FRY: variants seen among roughly 807,000 people sequenced by gnomAD.
The protein encoded by FRY is protein furry homolog.
Under a neutral mutation model 348.4 loss-of-function variants are expected in FRY, and 128 were observed. The ratio of observed to expected loss-of-function variants is 0.37; its 90% CI spans 0.32 to 0.43. FRY has a LOEUF of 0.43. FRY is among the 20% of genes least tolerant of loss of function. The pLI, the probability that FRY is intolerant of heterozygous loss-of-function variation, is 1.00. For synonymous variants in FRY, 1,370 were observed against 1,374.7 expected (o/e 1.00, Z 0.08); for missense variants, 2,736 against 3,695.2 (o/e 0.74, Z 6.73).
intron 1 of FRY, among the ~76,000 whole-genome samples, chr13:32,073,336 C>T (rs777653164): frequency 8.5e-5 from 13 of 152,142 alleles, no homozygotes; most frequent in Admixed American, 2.6e-4. Flanking sequence ...AGATTCTGCC[C>T]GAGCCATGTG....
intron 1 of FRY, among the ~76,000 whole-genome samples, chr13:32,057,288 C>T (rs1191588046): frequency 6.6e-6 from 1 of 152,064 alleles, no homozygotes; most frequent in Non-Finnish European, 1.5e-5. Flanking sequence ...TCTCCTGCCT[C>T]AGCCTCCTCA....
At chr13:32,294,594 G>C in intron 60 of FRY, 24 bp downstream of exon 60, 2 of 1,566,402 alleles carry the variant, frequency 1.3e-6, no homozygotes. Context: ...TTCTTTTAGA[G>C]GTGGTTGCAG....
At chr13:32,148,939 T>G (rs1880627091) in intron 13 of FRY, among the ~76,000 whole-genome samples, 1 of 151,942 alleles carries the variant, frequency 6.6e-6, no homozygotes, top group Non-Finnish European at 1.5e-5. Flanking sequence ...TTTTTCTGCA[T>G]GTAGTTATCA....
At chr13:32,071,270 G>A (rs1196265255) in intron 1 of FRY, among the ~76,000 whole-genome samples, 1 of 152,138 alleles carries the variant, frequency 6.6e-6, no homozygotes, top group Non-Finnish European at 1.5e-5. Context: ...TAGCTTGATG[G>A]GGATGGCATT....
chr13:32,161,348 A>C, intron 17 of FRY, 97 bp downstream of exon 17: 1 of 869,750 alleles, frequency 1.1e-6, no homozygotes, highest in Non-Finnish European at 2.0e-6. Flanking sequence ...ACAAATATTT[A>C]CCAAATGAGG....
intron 31 of FRY, among the ~76,000 whole-genome samples, chr13:32,203,903 C>T (rs1043192069): frequency 2.6e-5 from 4 of 152,196 alleles, no homozygotes; most frequent in African/African-American, 9.7e-5. Context: ...TACAGTTTAT[C>T]TTCCATGTGG....
chr13:32,157,496 T>A, intron 16 of FRY, 91 bp downstream of exon 16: 1 of 1,276,484 alleles, frequency 7.8e-7, no homozygotes, highest in Non-Finnish European at 1.1e-6. Context: ...TTTGTTTTCA[T>A]CTTCTTAGGG....
At chr13:32,053,003 C>T (rs1873424249) in intron 1 of FRY, among the ~76,000 whole-genome samples, 1 of 152,040 alleles carries the variant, frequency 6.6e-6, no homozygotes, top group East Asian at 1.9e-4. Flanking sequence ...GTCCTATCTA[C>T]TCGGGAGGCT....
intron 33 of FRY, 75 bp downstream of exon 33, chr13:32,209,806 G>A: frequency 7.2e-7 from 1 of 1,389,652 alleles, no homozygotes; most frequent in Non-Finnish European, 1.0e-6. Flanking sequence ...GTCAGAATGT[G>A]CTCTTTGCTC....
At chr13:32,251,977 T>C (rs1329868930) in intron 50 of FRY, 25 bp downstream of exon 50, 1 of 1,487,882 alleles carries the variant, frequency 6.7e-7, no homozygotes, top group Non-Finnish European at 9.4e-7. Flanking sequence ...GTGTCATAGT[T>C]ATTTTGGTGT....
intron 50 of FRY, among the ~76,000 whole-genome samples, chr13:32,253,074 G>C (rs1887164770): frequency 6.6e-6 from 1 of 152,152 alleles, no homozygotes; most frequent in African/African-American, 2.4e-5. Context: ...CCTGTGCTAA[G>C]GCCTTTTCAG....
chr13:32,049,293 A>G (rs1369666711), intron 1 of FRY, among the ~76,000 whole-genome samples: 3 of 152,168 alleles, frequency 2.0e-5, no homozygotes. Context: ...GAGGTGCCTG[A>G]GGGAATGACA....
chr13:32,170,723 G>A (rs1882010242), intron 17 of FRY, among the ~76,000 whole-genome samples: 1 of 152,116 alleles, frequency 6.6e-6, no homozygotes, highest in Admixed American at 6.5e-5. Context: ...TTTTAGTAGA[G>A]ACGGGGTTTC....
At chr13:32,189,213 A>T (rs1228869167) in intron 28 of FRY, among the ~76,000 whole-genome samples, 2 of 152,160 alleles carry the variant, frequency 1.3e-5, no homozygotes, top group Non-Finnish European at 2.9e-5. Flanking sequence ...CAATTTCAGC[A>T]GGATTCATGT....
chr13:32,054,798 C>T (rs1453212512), intron 1 of FRY, among the ~76,000 whole-genome samples: 1 of 152,130 alleles, frequency 6.6e-6, no homozygotes, highest in Non-Finnish European at 1.5e-5. Flanking sequence ...TGGCATGAAC[C>T]CGAGTGGCGG....
intron 55 of FRY, among the ~76,000 whole-genome samples, chr13:32,272,535 G>C (rs1392422806): frequency 2.6e-5 from 4 of 152,182 alleles, no homozygotes; most frequent in Non-Finnish European, 5.9e-5. Flanking sequence ...GCACACGCCT[G>C]TGATACCAGC....
intron 1 of FRY, among the ~76,000 whole-genome samples, chr13:32,055,072 C>A (rs6561089): frequency 0.011 from 1,632 of 152,138 alleles, 33 homozygotes; most frequent in African/African-American, 0.037. Flanking sequence ...TATTTAGAGA[C>A]AGGGTCTTGT....
At chr13:32,103,423 G>T (rs548165215) in intron 3 of FRY, among the ~76,000 whole-genome samples, 1 of 152,114 alleles carries the variant, frequency 6.6e-6, no homozygotes, top group East Asian at 1.9e-4. Flanking sequence ...ACCAAACACC[G>T]CATGTTCTCA....
At chr13:32,258,061 C>A in intron 51 of FRY, 1 of 998,504 alleles carries the variant, frequency 1.0e-6, no homozygotes, top group South Asian at 1.3e-5. Flanking sequence ...TTTTTCCTCC[C>A]TTCCAGAATA....
Sources: allele counts gnomAD v4.1 joint callset (sites outside exome capture counted in the v4.1 genomes callset), GRCh38; gene constraint gnomAD v4.1.1; transcripts MANE v1.5; gene names NCBI Gene and HGNC (gene_info 2026-07-23, HGNC 2026-07-21).